The following RIMS2 variants were observed in gnomAD, a reference collection of about 807,000 sequenced individuals.
RIMS2 encodes regulating synaptic membrane exocytosis protein 2.
A neutral mutation model predicts 174.4 loss-of-function variants in RIMS2; 59 were observed. That is an observed-to-expected ratio of 0.34 (90% CI 0.27 to 0.42). The LOEUF is 0.42. Ranked by LOEUF, RIMS2 falls within the 10% of genes least tolerant of loss-of-function variation. The pLI, the probability that RIMS2 is intolerant of heterozygous loss-of-function variation, is 1.00. For synonymous variants in RIMS2, 606 were observed against 572.5 expected (o/e 1.06, Z -0.84); for missense variants, 1,620 against 1,666.3 (o/e 0.97, Z 0.48).
At chr8:104,037,222 T>C (rs1261737563) in intron 19 of RIMS2, among the ~76,000 whole-genome samples, 2 of 152,194 alleles carry the variant, frequency 1.3e-5, no homozygotes, top group Non-Finnish European at 2.9e-5. Flanking sequence ...AGGTTCTTAC[T>C]TAGGCTTATT....
chr8:103,945,172 T>A (rs984155593), intron 14 of RIMS2, among the ~76,000 whole-genome samples: 1 of 151,994 alleles, frequency 6.6e-6, no homozygotes, highest in Non-Finnish European at 1.5e-5. Flanking sequence ...AATTCCCCTT[T>A]GGGGAATTAC....
chr8:104,058,637 C>CTT (rs2096918357), intron 19 of RIMS2, among the ~76,000 whole-genome samples: 1 of 151,512 alleles, frequency 6.6e-6, no homozygotes, highest in Non-Finnish European at 1.5e-5. Context: ...ACATGAAGTC[C>CTT]TTGCCCATGC....
chr8:104,125,233 C>G (rs115878619), intron 19 of RIMS2, among the ~76,000 whole-genome samples: 13 of 152,262 alleles, frequency 8.5e-5, no homozygotes, highest in African/African-American at 3.1e-4. Context: ...AGTTAAAAGT[C>G]TAAACACTTT....
intron 3 of RIMS2, among the ~76,000 whole-genome samples, chr8:103,869,975 G>C (rs2154512942): frequency 6.6e-6 from 1 of 152,262 alleles, no homozygotes; most frequent in Admixed American, 6.5e-5. Flanking sequence ...GTTCAGACAT[G>C]ATGATGGAGT....
chr8:104,155,995 G>T (rs2098721607), intron 19 of RIMS2, among the ~76,000 whole-genome samples: 1 of 152,046 alleles, frequency 6.6e-6, no homozygotes. Flanking sequence ...CATGGCCTAT[G>T]GTGTGTCTTT....
intron 1 of RIMS2, among the ~76,000 whole-genome samples, chr8:103,530,585 G>A (rs889688597): frequency 6.6e-6 from 1 of 152,080 alleles, no homozygotes; most frequent in Admixed American, 6.5e-5. Flanking sequence ...TACTTTGCAA[G>A]CGTTAAGCAA....
At chr8:103,769,384 C>G (rs531245424) in intron 3 of RIMS2, among the ~76,000 whole-genome samples, 1 of 152,112 alleles carries the variant, frequency 6.6e-6, no homozygotes, top group Admixed American at 6.5e-5. Flanking sequence ...AGTGCAGTGC[C>G]ATGATCTCAG....
At chr8:103,559,447 G>A (rs531785161) in intron 1 of RIMS2, 20 of 342,910 alleles carry the variant, frequency 5.8e-5, no homozygotes, top group South Asian at 4.8e-4. Flanking sequence ...GAGAGTTCAG[G>A]GACTCTGGTG....
intron 1 of RIMS2, among the ~76,000 whole-genome samples, chr8:103,606,528 A>G (rs1233744614): frequency 6.6e-6 from 1 of 152,184 alleles, no homozygotes; most frequent in Non-Finnish European, 1.5e-5. Context: ...TGCTTGGTGC[A>G]GAGCTGGGTT....
intron 1 of RIMS2, among the ~76,000 whole-genome samples, chr8:103,602,981 A>G (rs2094833512): frequency 6.6e-6 from 1 of 151,762 alleles, no homozygotes; most frequent in South Asian, 2.1e-4. Context: ...TTATTTTTTG[A>G]CTTTTTTATT....
At chr8:104,097,855 G>A (rs551825609) in intron 19 of RIMS2, among the ~76,000 whole-genome samples, 17 of 152,094 alleles carry the variant, frequency 1.1e-4, no homozygotes, top group Admixed American at 5.9e-4. Flanking sequence ...ACTTTTAATG[G>A]CCATTACTTT....
At position 104,169,063 on chromosome 8, in the gene RIMS2, T is replaced by C. The variant is rs574706196; in HGVS notation, c.3335-75853T>C. Among the ~76,000 whole-genome samples, 4 of 151,862 alleles carry C rather than the reference T, an allele frequency of 2.6e-5. No homozygotes were observed. In the East Asian group the frequency reaches 7.7e-4, roughly 29 times the overall value. The stretch of plus-strand genomic sequence containing the variant: ...ATTTGGTCAGCTAGTATTTTGTTGA[T>C]GATTTTTGCATTTATTAAATATGTT... On this transcript the variant is annotated intron_variant, in intron 19 of 23. Coordinates refer to ENST00000504942, the Ensembl canonical transcript of RIMS2.
chr8:104,036,819 G>A (rs1320415812), intron 19 of RIMS2, among the ~76,000 whole-genome samples: 1 of 152,106 alleles, frequency 6.6e-6, no homozygotes, highest in Non-Finnish European at 1.5e-5. Flanking sequence ...GGAGCTTGCA[G>A]TGAGCCAAGA....
chr8:103,940,158 C>A (rs777447986), intron 13 of RIMS2, among the ~76,000 whole-genome samples: 20 of 152,074 alleles, frequency 1.3e-4, no homozygotes, highest in Admixed American at 6.6e-4. Flanking sequence ...TTTCATGCTG[C>A]TGATAAAGAC....
chr8:104,231,811 A>G (rs2099230990), intron 19 of RIMS2, among the ~76,000 whole-genome samples: 1 of 152,220 alleles, frequency 6.6e-6, no homozygotes, highest in South Asian at 2.1e-4. Context: ...TACATGAGGT[A>G]TTAGCCACAT....
At chr8:103,750,607 G>T (rs1483231946) in intron 2 of RIMS2, among the ~76,000 whole-genome samples, 5 of 152,084 alleles carry the variant, frequency 3.3e-5, no homozygotes, top group Admixed American at 1.3e-4. Flanking sequence ...GTGGGACCAA[G>T]TAGAAATCAT....
chr8:103,601,493 C>CT (rs1464744460), intron 1 of RIMS2, among the ~76,000 whole-genome samples: 8 of 149,906 alleles, frequency 5.3e-5, no homozygotes, highest in Admixed American at 5.3e-4. Context: ...GACTTCTCCT[C>CT]TTTTTTGGTT....
intron 3 of RIMS2, among the ~76,000 whole-genome samples, chr8:103,791,621 C>G (rs2098500172): frequency 6.6e-6 from 1 of 152,174 alleles, no homozygotes; most frequent in African/African-American, 2.4e-5. Flanking sequence ...AAGACACAGA[C>G]TGGCAAATTC....
At chr8:103,883,708 T>C (rs1643017054) in intron 3 of RIMS2, among the ~76,000 whole-genome samples, 1 of 151,848 alleles carries the variant, frequency 6.6e-6, no homozygotes, top group African/African-American at 2.4e-5. Context: ...ATCCTGGCTT[T>C]GTACTTACAT....
Sources: gnomAD v4.1 joint callset for allele counts (sites outside exome capture counted in the v4.1 genomes callset) on GRCh38, gnomAD v4.1.1 for gene constraint, MANE v1.5 for transcripts, NCBI Gene and HGNC (gene_info 2026-07-23, HGNC 2026-07-21) for gene names.